RAD51B: variants seen among roughly 807,000 people sequenced by gnomAD.
The protein encoded by RAD51B is DNA repair protein RAD51 homolog 2.
RAD51B carries 38 observed loss-of-function variants against 42.2 expected under a neutral mutation model. That is an observed-to-expected ratio of 0.90 (90% confidence interval 0.70 to 1.18). The LOEUF is 1.18. Among genes scored for constraint, RAD51B ranks in the 50% most tolerant of loss-of-function variants. The pLI is 0.00. For synonymous variants in RAD51B, 154 were observed against 145.2 expected (o/e 1.06, Z -0.43); for missense variants, 373 against 400.7 (o/e 0.93, Z 0.59).
At chr14:67,844,614 A>T (rs1299826580) in intron 4 of RAD51B, among the ~76,000 whole-genome samples, 1 of 146,854 alleles carries the variant, frequency 6.8e-6, no homozygotes, top group Admixed American at 6.8e-5. Context: ...TATATATATT[A>T]TATATATATA....
At chr14:68,594,633 T>G (rs1179282700) in exon 11 of RAD51B, 19 of 1,276,708 alleles carry the variant, frequency 1.5e-5, no homozygotes, top group Non-Finnish European at 1.9e-5. Context: ...CTCATTATGT[T>G]GCCCAAGCTG....
chr14:68,357,071 T>C (rs893808385), intron 8 of RAD51B, among the ~76,000 whole-genome samples: 3 of 152,194 alleles, frequency 2.0e-5, no homozygotes, highest in Non-Finnish European at 2.9e-5. Flanking sequence ...TGTCATGCTG[T>C]TTGATAACAT....
chr14:68,327,376 T>TG (rs1178973528), intron 8 of RAD51B, among the ~76,000 whole-genome samples: 3 of 78,546 alleles, frequency 3.8e-5, no homozygotes, highest in South Asian at 4.3e-4. Flanking sequence ...TTTGTTTTTT[T>TG]TTGTTGTTTT....
At chr14:68,327,870 A>T (rs2082279644) in intron 8 of RAD51B, among the ~76,000 whole-genome samples, 1 of 152,204 alleles carries the variant, frequency 6.6e-6, no homozygotes. Context: ...ATTTCAGCAC[A>T]GTATTTGTGT....
At chr14:68,329,306 G>T (rs1428160201) in intron 8 of RAD51B, among the ~76,000 whole-genome samples, 1 of 152,022 alleles carries the variant, frequency 6.6e-6, no homozygotes, top group Non-Finnish European at 1.5e-5. Context: ...CCACACCCAG[G>T]CTTATTATGT....
chr14:68,640,244 C>T (rs545046315), intron 10 of RAD51B, among the ~76,000 whole-genome samples: 2 of 152,350 alleles, frequency 1.3e-5, no homozygotes, highest in African/African-American at 4.8e-5. Flanking sequence ...TTTCCAGGGA[C>T]TCTCTGTGGT....
intron 10 of RAD51B, among the ~76,000 whole-genome samples, chr14:68,509,743 T>G (rs1382249239): frequency 6.6e-6 from 1 of 152,224 alleles, no homozygotes; most frequent in Admixed American, 6.5e-5. Context: ...ATTTTTGGCC[T>G]TGCAGGCCAC....
At chr14:68,189,923 C>T (rs963387019) in intron 7 of RAD51B, among the ~76,000 whole-genome samples, 2 of 152,166 alleles carry the variant, frequency 1.3e-5, no homozygotes, top group African/African-American at 4.8e-5. Context: ...GCCTTAGCCT[C>T]CCAAAGTGCT....
chr14:68,026,878 C>T (rs931694039), intron 7 of RAD51B, among the ~76,000 whole-genome samples: 2 of 152,030 alleles, frequency 1.3e-5, no homozygotes, highest in African/African-American at 2.4e-5. Context: ...TTGATCCTGT[C>T]ATCATATTGT....
At chr14:68,168,773 ATTAAC>A (rs2078807216) in intron 7 of RAD51B, among the ~76,000 whole-genome samples, 1 of 152,172 alleles carries the variant, frequency 6.6e-6, no homozygotes, top group Non-Finnish European at 1.5e-5. Flanking sequence ...AAATAGGTTA[ATTAAC>A]TTAATAGAAA....
At chr14:68,111,807 A>T (rs980703220) in intron 7 of RAD51B, among the ~76,000 whole-genome samples, 4 of 152,156 alleles carry the variant, frequency 2.6e-5, no homozygotes, top group Admixed American at 1.3e-4. Context: ...AACAGACTCA[A>T]AGCAGATGGT....
intron 7 of RAD51B, among the ~76,000 whole-genome samples, chr14:67,912,100 T>G (rs1393770374): frequency 2.6e-5 from 4 of 152,228 alleles, no homozygotes; most frequent in Admixed American, 2.6e-4. Context: ...AAAGCATATT[T>G]TAAAATTGTA....
chr14:68,616,061 T>C (rs978668681), downstream of RAD51B, among the ~76,000 whole-genome samples: 3 of 152,226 alleles, frequency 2.0e-5, no homozygotes, highest in Non-Finnish European at 2.9e-5. Context: ...CCATTGACTT[T>C]TAGCTACATG....
intron 10 of RAD51B, among the ~76,000 whole-genome samples, chr14:68,605,558 T>G (rs370835755): frequency 6.6e-6 from 1 of 152,242 alleles, no homozygotes; most frequent in African/African-American, 2.4e-5. Context: ...TTCTACAGCC[T>G]GTCCCAGGCC....
chr14:68,412,709 A>C (rs1274447273), intron 9 of RAD51B, among the ~76,000 whole-genome samples: 2 of 152,184 alleles, frequency 1.3e-5, no homozygotes, highest in Admixed American at 1.3e-4. Context: ...GCCCTGGACT[A>C]CTCATTACCT....
intron 7 of RAD51B, among the ~76,000 whole-genome samples, chr14:68,054,754 C>T (rs2076446781): frequency 6.6e-6 from 1 of 152,246 alleles, no homozygotes; most frequent in South Asian, 2.1e-4. Flanking sequence ...GTTAGTTTTT[C>T]GTTCTCTCTT....
At chr14:68,378,042 T>G (rs1484861670) in intron 8 of RAD51B, among the ~76,000 whole-genome samples, 1 of 152,226 alleles carries the variant, frequency 6.6e-6, no homozygotes, top group East Asian at 1.9e-4. Flanking sequence ...TTTTTAACAG[T>G]TTTGCAAGTC....
chr14:68,218,859 C>T (rs901010166), intron 7 of RAD51B, among the ~76,000 whole-genome samples: 1 of 152,110 alleles, frequency 6.6e-6, no homozygotes, highest in Non-Finnish European at 1.5e-5. Context: ...AATATTACAA[C>T]CTGACACTAT....
intron 7 of RAD51B, among the ~76,000 whole-genome samples, chr14:68,114,530 A>G (rs1226637023): frequency 6.6e-6 from 1 of 152,106 alleles, no homozygotes; most frequent in Non-Finnish European, 1.5e-5. Context: ...ATTTTATAAT[A>G]TATAAAACGT....
Sources: gnomAD v4.1 joint callset for allele counts (sites outside exome capture counted in the v4.1 genomes callset) on GRCh38, gnomAD v4.1.1 for gene constraint, MANE v1.5 for transcripts, NCBI Gene and HGNC (gene_info 2026-07-23, HGNC 2026-07-21) for gene names.